The following DPYSL3 variants were observed in gnomAD, a reference collection of about 807,000 sequenced individuals.
DPYSL3 encodes the protein dihydropyrimidinase like 3.
Under a neutral mutation model 66.1 loss-of-function variants are expected in DPYSL3, and 16 were observed. The observed-to-expected ratio is 0.24, with a 90% confidence interval of 0.16 to 0.37. The LOEUF is 0.37. Ranked by LOEUF, DPYSL3 falls within the 10% of genes least tolerant of loss-of-function variation. The pLI is 1.00. For synonymous variants in DPYSL3, 338 were observed against 345.1 expected, an observed-to-expected ratio of 0.98 and a Z score of 0.23; for missense variants, 738 against 916.2, an observed-to-expected ratio of 0.81 and a Z score of 2.51.
At chr5:147,506,288 TA>T (rs1319750159) in intron 1 of DPYSL3, among the ~76,000 whole-genome samples, 1 of 152,140 alleles carries the variant, frequency 6.6e-6, no homozygotes, top group Non-Finnish European at 1.5e-5. Context: ...TGGTTTGTTT[TA>T]AATTAAATTG....
At chr5:147,404,323 A>G (rs1758277078) in intron 8 of DPYSL3, among the ~76,000 whole-genome samples, 1 of 152,216 alleles carries the variant, frequency 6.6e-6, no homozygotes, top group African/African-American at 2.4e-5. Flanking sequence ...GTGTCTAGAC[A>G]ATGTGAAAGC....
At position 147,399,061 on chromosome 5, in the gene DPYSL3, TC is replaced by T; in HGVS notation, c.1623+20del. 6.2e-7 allele frequency: 1 copy of T among 1,612,278 alleles called. No homozygotes were observed. The highest frequency in any genetic ancestry group is 8.5e-7 in the Non-Finnish European group (1 of 1,179,200). On this transcript the variant is annotated intron_variant, in intron 11 of 13. Transcript: ENST00000343218. ...GCATGCATTCTCCATTCTACTCCAC[TC>T]CCACCAGAGCGGGCCTTACAGACTG...
At chr5:147,471,939 C>T (rs1341794596) in intron 1 of DPYSL3, among the ~76,000 whole-genome samples, 11 of 152,198 alleles carry the variant, frequency 7.2e-5, no homozygotes, top group African/African-American at 2.4e-4. Context: ...TCTTCTCCCA[C>T]TCCTCTCAGG....
Position 147,509,539 on chromosome 5 carries a change from C to G in DPYSL3, c.320G>C (p.Gly107Ala), listed in dbSNP as rs1305145020. 7 of 1,534,612 alleles carry G rather than the reference C, an allele frequency of 4.6e-6. No homozygotes were observed. The highest frequency in any genetic ancestry group is 6.1e-6 in the Non-Finnish European group (7 of 1,146,332). ...EPAPASPAPAGVEIRSATGKE... is the reference protein window; with the variant it reads ...EPAPASPAPAAVEIRSATGKE... ...GCCGGTGGCGCTCCGGATCTCTACC[C>G]CGGCGGGGGCGGGGGAGGCGGGCGC... Residue 107 changes from glycine to alanine, a missense_variant, in exon 1 of 14, where the codon GGG becomes GCG. Coordinates refer to ENST00000343218, the MANE Select transcript of DPYSL3 (RefSeq NM_001197294.2). The surrounding 1 kb of genome is among the most constrained non-coding windows in gnomAD (Gnocchi z 5.3).
chr5:147,468,589 T>C (rs1753041907), intron 1 of DPYSL3, among the ~76,000 whole-genome samples: 1 of 152,188 alleles, frequency 6.6e-6, no homozygotes, highest in Non-Finnish European at 1.5e-5. Context: ...TCTCTGTGAC[T>C]GTAAAAGACT....
chr5:147,457,640 C>T (rs1382939323), intron 1 of DPYSL3, among the ~76,000 whole-genome samples: 2 of 152,134 alleles, frequency 1.3e-5, no homozygotes, highest in South Asian at 2.1e-4. Flanking sequence ...AACATATGGG[C>T]CAAAGAAAGG....
rs138388463 is a variant in DPYSL3, at chr5:147,505,627, A to G, written c.381+3851T>C. 3.3e-3 allele frequency among the ~76,000 whole-genome samples: 506 copies of G among 152,350 alleles called. 4 individuals carry two copies. Among genetic ancestry groups the G allele is most frequent in the African/African-American group, 0.012 (483 of 41,576 alleles). ...ACTCATTTTGTTAAGATAGAAGTTA[A>G]TAATTAGGTATGCTAGATACAAAGC... On this transcript the variant is annotated intron_variant, in intron 1 of 13. Coordinates refer to ENST00000343218, the MANE Select transcript of DPYSL3 (RefSeq NM_001197294.2).
chr5:147,500,761 A>G (rs1401746990), intron 1 of DPYSL3, among the ~76,000 whole-genome samples: 1 of 152,236 alleles, frequency 6.6e-6, no homozygotes, highest in African/African-American at 2.4e-5. Flanking sequence ...TAAAACAACA[A>G]TGAGATACCA....
At chr5:147,441,093 A>T (rs965501158) in intron 1 of DPYSL3, among the ~76,000 whole-genome samples, 6 of 152,194 alleles carry the variant, frequency 3.9e-5, no homozygotes. Context: ...TATAAATTTT[A>T]TTTGGGGCTC....
chr5:147,482,466 T>C (rs1253351872), intron 1 of DPYSL3, among the ~76,000 whole-genome samples: 1 of 152,204 alleles, frequency 6.6e-6, no homozygotes, highest in East Asian at 1.9e-4. Flanking sequence ...TCAGCTCAGA[T>C]TGGCCACATA....
chr5:147,471,615 G>C (rs1451548601), intron 1 of DPYSL3, among the ~76,000 whole-genome samples: 1 of 152,190 alleles, frequency 6.6e-6, no homozygotes, highest in East Asian at 1.9e-4. Flanking sequence ...GTGGTGCAAG[G>C]TATCCACCCA....
At chr5:147,429,272 T>TTG (rs922669681) in intron 1 of DPYSL3, among the ~76,000 whole-genome samples, 25 of 151,930 alleles carry the variant, frequency 1.6e-4, no homozygotes, top group African/African-American at 5.8e-4. Context: ...CGTGTGTCAC[T>TTG]GTCTTGCAGC....
chr5:147,489,246 T>C (rs1753379466), intron 1 of DPYSL3, among the ~76,000 whole-genome samples: 1 of 152,132 alleles, frequency 6.6e-6, no homozygotes, highest in Admixed American at 6.6e-5. Flanking sequence ...GTTCTCAGTC[T>C]TCAGAAATTT....
In DPYSL3 at chr5:147,493,919, G is replaced by A. The variant is rs143092383; in HGVS notation, c.381+15559C>T. On this transcript the variant is annotated intron_variant, in intron 1 of 13. Transcript: ENST00000343218. ...TATTAAACAATATAACTGGCCAGGC[G>A]CAGTGGCTCATGCCTGTAAGCCCAA... 4.3e-4 allele frequency among the ~76,000 whole-genome samples: 65 copies of A among 152,298 alleles called. No individual in the cohort carries two copies. In the East Asian group the frequency reaches 0.012, roughly 29 times the overall value.
chr5:147,445,024 T>C (rs1470029083), intron 1 of DPYSL3, among the ~76,000 whole-genome samples: 1 of 152,154 alleles, frequency 6.6e-6, no homozygotes, highest in African/African-American at 2.4e-5. Flanking sequence ...AATTAAGATC[T>C]ATGTTGTATT....
chr5:147,463,180 C>T (rs75736242), intron 1 of DPYSL3, among the ~76,000 whole-genome samples: 1 of 152,036 alleles, frequency 6.6e-6, no homozygotes, highest in Non-Finnish European at 1.5e-5. Context: ...ACCTGTGGCC[C>T]TTATGACCAG....
chr5:147,467,539 A>C (rs1302008590), intron 1 of DPYSL3, among the ~76,000 whole-genome samples: 1 of 152,228 alleles, frequency 6.6e-6, no homozygotes, highest in Non-Finnish European at 1.5e-5. Flanking sequence ...GAATTTATTA[A>C]TAGAGTACAT....
At chr5:147,470,258 T>G (rs773227316) in intron 1 of DPYSL3, among the ~76,000 whole-genome samples, 2 of 152,164 alleles carry the variant, frequency 1.3e-5, no homozygotes, top group Non-Finnish European at 2.9e-5. Context: ...CTAATAAGCC[T>G]TCTGCATATT....
At chr5:147,426,514 C>T (rs930224141) in intron 1 of DPYSL3, among the ~76,000 whole-genome samples, 1 of 152,106 alleles carries the variant, frequency 6.6e-6, no homozygotes, top group Non-Finnish European at 1.5e-5. Flanking sequence ...GAATGCACTG[C>T]TCAGGGCCAA....
Sources: gnomAD v4.1 joint callset for allele counts (sites outside exome capture counted in the v4.1 genomes callset) on GRCh38, gnomAD v4.1.1 for gene constraint, Gnocchi (gnomAD v3.1) non-coding constraint, MANE v1.5 for transcripts, NCBI Gene and HGNC (gene_info 2026-07-23, HGNC 2026-07-21) for gene names.